RBFOX1: variants seen among roughly 807,000 people sequenced by gnomAD.
RBFOX1 encodes RNA binding protein fox-1 homolog 1.
RBFOX1 carries 8 observed loss-of-function variants against 57.7 expected under a neutral mutation model. That is an observed-to-expected ratio of 0.14 (90% CI 0.08 to 0.25). The LOEUF (loss-of-function observed/expected upper bound fraction) is 0.25. RBFOX1 is among the 10% of genes least tolerant of loss of function. The pLI is 1.00. For missense variants in RBFOX1, 611 were observed against 548.5 expected (o/e 1.11, Z -1.14); for synonymous variants, 326 against 222.4 (o/e 1.47, Z -4.15).
intron 2 of RBFOX1, among the ~76,000 whole-genome samples, chr16:5,595,510 A>G (rs1160875854): frequency 6.6e-6 from 1 of 152,218 alleles, no homozygotes; most frequent in East Asian, 1.9e-4. Context: ...CCAGAGTGAC[A>G]GCTGGTTCGG....
At chr16:5,933,048 C>T (rs2059098004) in intron 4 of RBFOX1, among the ~76,000 whole-genome samples, 1 of 152,346 alleles carries the variant, frequency 6.6e-6, no homozygotes, top group Admixed American at 6.5e-5. Context: ...GAGGAAGCTG[C>T]AGCAGCCTTA....
At position 6,011,853 on chromosome 16, in the gene RBFOX1, A is replaced by G. The variant is rs182669572; in HGVS notation, c.351+144518A>G. On this transcript the variant is annotated intron_variant, in intron 4 of 19. Coordinates refer to the RBFOX1 transcript ENST00000641259. Reference sequence around the variant, plus strand: ...GTCTGGGTTATCATGGACAGTGGTGATCTTGTCATCTTTGTTAGTTTGAGG... The same window carrying G: ...GTCTGGGTTATCATGGACAGTGGTGGTCTTGTCATCTTTGTTAGTTTGAGG... 8.5e-5 allele frequency among the ~76,000 whole-genome samples: 13 copies of G among 152,278 alleles called. No homozygotes were observed. In the East Asian group the frequency reaches 2.1e-3, roughly 25 times the overall value.
At chr16:6,918,852 A>G (rs1015253200) in intron 3 of RBFOX1, among the ~76,000 whole-genome samples, 33 of 152,334 alleles carry the variant, frequency 2.2e-4, no homozygotes, top group African/African-American at 7.5e-4. Context: ...AACACATTGC[A>G]GGCTTGGCCC....
intron 4 of RBFOX1, among the ~76,000 whole-genome samples, chr16:7,352,289 C>A (rs1006743426): frequency 1.4e-4 from 22 of 152,152 alleles, no homozygotes; most frequent in African/African-American, 5.1e-4. Context: ...TGTCTTTAAA[C>A]AGGGCAGAAA....
intron 1 of RBFOX1, among the ~76,000 whole-genome samples, chr16:6,110,079 CAATT>C (rs2152571588): frequency 6.6e-6 from 1 of 151,934 alleles, no homozygotes; most frequent in African/African-American, 2.4e-5. Flanking sequence ...AGGATTTAAA[CAATT>C]AATATATTTA....
At chr16:6,238,450 T>C (rs1392561752) in intron 1 of RBFOX1, among the ~76,000 whole-genome samples, 4 of 152,132 alleles carry the variant, frequency 2.6e-5, no homozygotes, top group South Asian at 2.1e-4. Flanking sequence ...CCTCCTGGCA[T>C]GGTGGAAATT....
At chr16:7,542,929 C>G (rs1273022526) in intron 5 of RBFOX1, among the ~76,000 whole-genome samples, 1 of 152,046 alleles carries the variant, frequency 6.6e-6, no homozygotes, top group African/African-American at 2.4e-5. Flanking sequence ...CACCACCCCA[C>G]ACATACAAAC....
chr16:6,753,505 C>T (rs142017656), intron 3 of RBFOX1, among the ~76,000 whole-genome samples: 2 of 152,270 alleles, frequency 1.3e-5, no homozygotes, highest in African/African-American at 4.8e-5. Flanking sequence ...CTTTCATCTC[C>T]TATACCATGT....
At chr16:7,238,327 TAAA>T (rs71147675) in intron 4 of RBFOX1, among the ~76,000 whole-genome samples, 18 of 131,302 alleles carry the variant, frequency 1.4e-4, no homozygotes, top group African/African-American at 5.0e-4. Flanking sequence ...CTTAAAATGG[TAAA>T]AAAAAAATAA....
At chr16:6,619,639 C>T (rs944916914) in intron 2 of RBFOX1, among the ~76,000 whole-genome samples, 1 of 150,604 alleles carries the variant, frequency 6.6e-6, no homozygotes, top group African/African-American at 2.4e-5. Context: ...ACCTGTGCCC[C>T]TGAGAAACTC....
intron 3 of RBFOX1, among the ~76,000 whole-genome samples, chr16:5,866,199 C>G (rs1020424464): frequency 6.6e-6 from 1 of 152,148 alleles, no homozygotes; most frequent in Non-Finnish European, 1.5e-5. Flanking sequence ...GAACTCCTGA[C>G]CTCACATGAT....
At chr16:7,046,952 T>C (rs1243369145) in intron 3 of RBFOX1, among the ~76,000 whole-genome samples, 1 of 151,974 alleles carries the variant, frequency 6.6e-6, no homozygotes, top group African/African-American at 2.4e-5. Flanking sequence ...ATTAAAAAGC[T>C]CTTCATGCAC....
intron 5 of RBFOX1, among the ~76,000 whole-genome samples, chr16:7,567,486 CCTATATGTATATCCCTATG>C (rs2092106459): frequency 2.4e-4 from 5 of 20,726 alleles, no homozygotes; most frequent in Admixed American, 2.3e-3. Context: ...TATGTATGGC[CCTATATGTATATCCCTATG>C]TATGGCCCTA....
At chr16:6,846,983 C>T (rs960870852) in intron 3 of RBFOX1, among the ~76,000 whole-genome samples, 2 of 151,858 alleles carry the variant, frequency 1.3e-5, no homozygotes, top group Non-Finnish European at 2.9e-5. Flanking sequence ...TGATTTCCTT[C>T]TTTCTGTGTT....
chr16:7,454,309 G>A (rs974592685), intron 4 of RBFOX1, among the ~76,000 whole-genome samples: 5 of 152,154 alleles, frequency 3.3e-5, no homozygotes, highest in African/African-American at 9.6e-5. Context: ...GCCCAGGATC[G>A]GTAGACAGAA....
intron 4 of RBFOX1, among the ~76,000 whole-genome samples, chr16:7,293,257 T>G (rs2095829155): frequency 1.3e-5 from 2 of 152,120 alleles, no homozygotes; most frequent in South Asian, 4.1e-4. Flanking sequence ...ACTATTTACA[T>G]GGAATTTGCA....
chr16:7,687,411 T>C (rs926917975), intron 14 of RBFOX1, among the ~76,000 whole-genome samples: 2 of 152,058 alleles, frequency 1.3e-5, no homozygotes, highest in South Asian at 4.1e-4. Flanking sequence ...TTAAAGGATA[T>C]GAGCATAGCA....
chr16:7,155,203 G>C (rs561973557), intron 4 of RBFOX1, among the ~76,000 whole-genome samples: 1 of 152,188 alleles, frequency 6.6e-6, no homozygotes, highest in East Asian at 1.9e-4. Flanking sequence ...CTGAAACAAA[G>C]TTTTTAGCTT....
intron 2 of RBFOX1, among the ~76,000 whole-genome samples, chr16:6,558,178 G>T (rs1011041120): frequency 6.6e-6 from 1 of 152,164 alleles, no homozygotes; most frequent in Non-Finnish European, 1.5e-5. Context: ...GTGCGATAGA[G>T]CTGGAGCGTA....
Sources: gnomAD v4.1 joint callset for allele counts (sites outside exome capture counted in the v4.1 genomes callset) on GRCh38, gnomAD v4.1.1 for gene constraint, MANE v1.5 for transcripts, NCBI Gene and HGNC (gene_info 2026-07-23, HGNC 2026-07-21) for gene names.